DYM: variants seen among roughly 807,000 people sequenced by gnomAD.
DYM encodes dyggve-Melchior-Clausen syndrome protein.
Under a neutral mutation model 93.1 loss-of-function variants are expected in DYM, and 78 were observed. The ratio of observed to expected loss-of-function variants is 0.84; its 90% CI spans 0.70 to 1.01. The LOEUF (loss-of-function observed/expected upper bound fraction) is 1.01, where lower values mean the gene tolerates loss of function less well. Among genes scored for constraint, DYM ranks in the 50% least tolerant of loss-of-function variants. The probability of loss-of-function intolerance (pLI) is 0.00; values close to 1 mark genes in which losing one functional copy is unlikely to be tolerated. For synonymous variants in DYM, 321 were observed against 319.7 expected (o/e 1.00, Z -0.04); for missense variants, 789 against 845.0 (o/e 0.93, Z 0.82).
chr18:49,143,565 CAGAG>C (rs948920482), intron 15 of DYM, among the ~76,000 whole-genome samples: 33 of 152,184 alleles, frequency 2.2e-4, no homozygotes, highest in African/African-American at 7.2e-4. Flanking sequence ...AACCAAATAT[CAGAG>C]AGGTTAAGTA....
At chr18:49,167,024 G>GTGTT (rs2087983430) in intron 14 of DYM, among the ~76,000 whole-genome samples, 1 of 149,724 alleles carries the variant, frequency 6.7e-6, no homozygotes, top group Non-Finnish European at 1.5e-5. Flanking sequence ...GTGTGTGTGT[G>GTGTT]TGTGTGTGTG....
intron 3 of DYM, among the ~76,000 whole-genome samples, chr18:49,383,349 G>A (rs1460576110): frequency 6.6e-6 from 1 of 152,082 alleles, no homozygotes; most frequent in Non-Finnish European, 1.5e-5. Context: ...GCAGCATACG[G>A]TGGAGGGAGA....
chr18:49,150,763 C>T (rs935956090), intron 15 of DYM, among the ~76,000 whole-genome samples: 1 of 152,108 alleles, frequency 6.6e-6, no homozygotes, highest in Non-Finnish European at 1.5e-5. Flanking sequence ...CAACAATGTT[C>T]CTCATGATGT....
At chr18:49,447,861 G>A (rs1323083495) in intron 1 of DYM, among the ~76,000 whole-genome samples, 2 of 152,136 alleles carry the variant, frequency 1.3e-5, no homozygotes, top group South Asian at 2.1e-4. Context: ...AAGGGGAAGC[G>A]TCTTTGTGAT....
At chr18:49,217,124 C>G (rs1032800439) in intron 13 of DYM, among the ~76,000 whole-genome samples, 2 of 152,014 alleles carry the variant, frequency 1.3e-5, no homozygotes, top group Non-Finnish European at 1.5e-5. Context: ...CCTCAGGAGC[C>G]AATGCGATCA....
chr18:49,460,290 G>T (rs1028149769), intron 1 of DYM, 108 bp downstream of exon 1: 1 of 152,110 alleles, frequency 6.6e-6, no homozygotes, highest in Non-Finnish European at 1.5e-5. Flanking sequence ...CCGCCCCGGG[G>T]CGCTGGCCGG....
intron 8 of DYM, among the ~76,000 whole-genome samples, chr18:49,323,899 G>A (rs1237871509): frequency 6.6e-6 from 1 of 152,088 alleles, no homozygotes; most frequent in Non-Finnish European, 1.5e-5. Context: ...TGTAATTCCA[G>A]CTCCAAGGCG....
At chr18:49,253,269 G>T (rs551505801) in intron 13 of DYM, among the ~76,000 whole-genome samples, 1 of 152,192 alleles carries the variant, frequency 6.6e-6, no homozygotes, top group Non-Finnish European at 1.5e-5. Context: ...ACTTGAAGTG[G>T]TTACTAGAGC....
intron 2 of DYM, among the ~76,000 whole-genome samples, chr18:49,415,970 C>T (rs1204535157): frequency 6.7e-6 from 1 of 149,444 alleles, no homozygotes; most frequent in Non-Finnish European, 1.5e-5. Flanking sequence ...ACAAAGATGA[C>T]TATTACTATA....
At chr18:49,068,704 C>T (rs1331576087) in intron 17 of DYM, among the ~76,000 whole-genome samples, 1 of 152,146 alleles carries the variant, frequency 6.6e-6, no homozygotes, top group Middle Eastern at 3.2e-3. Context: ...GGAGAAATTC[C>T]TTTTTTTCCC....
At chr18:49,393,280 A>C (rs574414636) in intron 2 of DYM, among the ~76,000 whole-genome samples, 1 of 152,272 alleles carries the variant, frequency 6.6e-6, no homozygotes, top group African/African-American at 2.4e-5. Context: ...TCCTCAAAAA[A>C]TTAAACATAA....
chr18:49,359,617 C>T (rs79434941), intron 6 of DYM: 12 of 152,294 alleles, frequency 7.9e-5, no homozygotes, highest in African/African-American at 2.6e-4. Context: ...ATAGCATACA[C>T]ATGTATGTGT....
At chr18:49,362,647 T>C (rs2066134424) in intron 6 of DYM, among the ~76,000 whole-genome samples, 1 of 152,212 alleles carries the variant, frequency 6.6e-6, no homozygotes, top group African/African-American at 2.4e-5. Flanking sequence ...ATGTGCCTCC[T>C]AGCTGACTCA....
At chr18:49,258,356 T>C (rs762636657) in intron 12 of DYM, 24 bp downstream of exon 12, 7 of 1,487,358 alleles carry the variant, frequency 4.7e-6, no homozygotes, top group Middle Eastern at 1.7e-4. Flanking sequence ...GCAAAAAAGA[T>C]AGAATAGCAG....
rs529934337 is a variant in DYM at position 49,057,009 on chromosome 18, C to T, written c.2026-12805G>A. Among the ~76,000 whole-genome samples the T allele has an allele frequency of 6.6e-5, 10 of 152,314 alleles. No individual in the cohort carries two copies. The South Asian group carries it at 1.2e-3, about 19-fold the overall frequency. Reference sequence around the variant, plus strand: ...GGCCTGGGCCAATTCCTGCTTTTACCCTTTCCTGTACAAAAAGGCATAGGT... The same window carrying T: ...GGCCTGGGCCAATTCCTGCTTTTACTCTTTCCTGTACAAAAAGGCATAGGT... On this transcript the variant is annotated intron_variant, in intron 17 of 17. Coordinates refer to ENST00000675505, the MANE Select transcript of DYM (RefSeq NM_001353214.3).
At chr18:49,300,360 G>C (rs1347757906) in intron 8 of DYM, among the ~76,000 whole-genome samples, 1 of 152,116 alleles carries the variant, frequency 6.6e-6, no homozygotes, top group Middle Eastern at 3.4e-3. Flanking sequence ...AGCACTCTGG[G>C]AGGCTGAGGT....
intron 14 of DYM, 53 bp downstream of exon 14, chr18:49,209,498 T>A (rs1412803255): frequency 3.5e-6 from 4 of 1,133,188 alleles, no homozygotes; most frequent in Non-Finnish European, 4.5e-6. Context: ...CATGCAATTG[T>A]CAGTCATATA....
chr18:49,144,229 G>A (rs1014254364), intron 15 of DYM, among the ~76,000 whole-genome samples: 1 of 151,704 alleles, frequency 6.6e-6, no homozygotes, highest in Non-Finnish European at 1.5e-5. Flanking sequence ...GGATTTTGGT[G>A]ATGTTTAATT....
chr18:49,142,107 C>T, intron 15 of DYM, among the ~76,000 whole-genome samples: 1 of 151,882 alleles, frequency 6.6e-6, no homozygotes, highest in Admixed American at 6.6e-5. Context: ...GTGATCCGCC[C>T]ACCTCGGTCT....
Sources: allele counts gnomAD v4.1 joint callset (sites outside exome capture counted in the v4.1 genomes callset), GRCh38; gene constraint gnomAD v4.1.1; transcripts MANE v1.5; gene names NCBI Gene and HGNC (gene_info 2026-07-23, HGNC 2026-07-21).